Variants in CSMD1 observed in about 807,000 individuals in gnomAD.
The protein encoded by CSMD1 is CUB and sushi domain-containing protein 1.
A neutral mutation model predicts 417.5 loss-of-function variants in CSMD1; 213 were observed. The observed-to-expected ratio is 0.51, with a 90% CI of 0.46 to 0.57. The LOEUF (loss-of-function observed/expected upper bound fraction) is 0.57, where lower values mean the gene tolerates loss of function less well. Ranked by LOEUF, CSMD1 falls within the 20% of genes least tolerant of loss-of-function variation. CSMD1 has a pLI of 0.00. For synonymous variants in CSMD1, 2,862 were observed against 1,736.8 expected, an observed-to-expected ratio of 1.65 and a Z score of -16.11; for missense variants, 6,923 against 4,529.7, an observed-to-expected ratio of 1.53 and a Z score of -15.17.
At position 3,936,410 on chromosome 8, in the gene CSMD1, G is replaced by T. The variant is rs532199090; in HGVS notation, c.818+61493C>A. Among the ~76,000 whole-genome samples the T allele has an allele frequency of 2.6e-4, 39 of 152,256 alleles. No individual in the cohort carries two copies. In the East Asian group the frequency reaches 6.4e-3, roughly 25 times the overall value. ...AAAGAAGTCAATGACTAGCTTTAAA[G>T]CTTCAGAAGACAGGCTGACTCTCTT... On this transcript the variant is annotated intron_variant, in intron 5 of 69. Coordinates refer to ENST00000635120, the MANE Select transcript of CSMD1 (RefSeq NM_033225.6).
chr8:3,108,896 T>C, intron 43 of CSMD1, 148 bp from the exon 44 acceptor site: 2 of 798,332 alleles, frequency 2.5e-6, no homozygotes, highest in Non-Finnish European at 1.9e-6. Flanking sequence ...ATCAAGATGT[T>C]GAATGTCCAC....
chr8:4,007,684 T>A (rs1473730077), intron 4 of CSMD1, among the ~76,000 whole-genome samples: 2 of 152,122 alleles, frequency 1.3e-5, no homozygotes, highest in Non-Finnish European at 2.9e-5. Flanking sequence ...TCCTCTTTTT[T>A]TTTTTCATGC....
At chr8:4,289,523 G>C (rs923667046) in intron 3 of CSMD1, among the ~76,000 whole-genome samples, 2 of 152,162 alleles carry the variant, frequency 1.3e-5, no homozygotes, top group African/African-American at 4.8e-5. Flanking sequence ...GTATGAGCAA[G>C]ATGTAACACT....
intron 1 of CSMD1, among the ~76,000 whole-genome samples, chr8:4,662,506 G>A (rs900865857): frequency 3.3e-5 from 5 of 152,156 alleles, no homozygotes; most frequent in Non-Finnish European, 5.9e-5. Flanking sequence ...TTCTGGTGGT[G>A]AAAAGTCCAT....
chr8:4,431,895 G>A (rs1046402326), intron 2 of CSMD1, among the ~76,000 whole-genome samples: 6 of 152,086 alleles, frequency 3.9e-5, no homozygotes, highest in African/African-American at 1.4e-4. Context: ...ATTAAAATAT[G>A]TGAATGATAT....
At chr8:4,106,384 A>G (rs1801569661) in intron 3 of CSMD1, among the ~76,000 whole-genome samples, 1 of 152,226 alleles carries the variant, frequency 6.6e-6, no homozygotes, top group African/African-American at 2.4e-5. Context: ...ACAATGCTGC[A>G]TAATTGATCT....
chr8:4,865,151 A>G (rs1478423687), intron 1 of CSMD1, among the ~76,000 whole-genome samples: 1 of 151,734 alleles, frequency 6.6e-6, no homozygotes, highest in African/African-American at 2.4e-5. Context: ...TACACAACTA[A>G]TCTTATTCTT....
At chr8:3,752,524 T>G (rs1237333367) in intron 6 of CSMD1, among the ~76,000 whole-genome samples, 2 of 151,566 alleles carry the variant, frequency 1.3e-5, no homozygotes, top group African/African-American at 4.9e-5. Flanking sequence ...TGTGGTGGTC[T>G]GCACCTGTAT....
chr8:3,175,138 T>A (rs1006721391), intron 37 of CSMD1, among the ~76,000 whole-genome samples: 1 of 152,160 alleles, frequency 6.6e-6, no homozygotes, highest in Non-Finnish European at 1.5e-5. Context: ...ATATTTATGT[T>A]TAGTTTATAA....
intron 3 of CSMD1, among the ~76,000 whole-genome samples, chr8:4,419,516 T>G (rs1797129917): frequency 6.6e-6 from 1 of 152,140 alleles, no homozygotes; most frequent in African/African-American, 2.4e-5. Context: ...CAAATTAATT[T>G]TCTCTCTTAA....
chr8:3,981,399 C>G (rs1188822375), intron 5 of CSMD1, among the ~76,000 whole-genome samples: 2 of 149,466 alleles, frequency 1.3e-5, no homozygotes, highest in African/African-American at 2.5e-5. Flanking sequence ...GCAGTGTATA[C>G]TGCTTAGGTG....
rs145876001 is a variant in CSMD1 at position 4,003,628 on chromosome 8, G to C, written c.611-5518C>G. 8.9e-4 allele frequency among the ~76,000 whole-genome samples: 135 copies of C among 152,136 alleles called. No individual in the cohort carries two copies. In the East Asian group the frequency reaches 0.021, roughly 24 times the overall value. On this transcript the variant is annotated intron_variant, in intron 4 of 69. Transcript: ENST00000635120. ...AATGCCTTCTAATATACATTAAAAA[G>C]ATAAATTCTGAAAATACATAAATAC...
In CSMD1 at chr8:3,405,894, T is replaced by A. The variant is rs998574940; in HGVS notation, c.2266+133A>T. 6.5e-6 allele frequency: 5 copies of A among 766,482 alleles called. No individual in the cohort carries two copies. In the African/African-American group the frequency reaches 7.0e-5, roughly 11 times the overall value. 47.5% of individuals were successfully genotyped at this position (766,482 alleles called of 1,614,324 possible). On this transcript the variant is annotated intron_variant, in intron 15 of 69. Transcript: ENST00000635120. ...GAACTGGGAGACTGTACACTCCTGT[T>A]GGTTAAGTGACTGTGTGTGGTATTT...
chr8:4,079,984 ATTAT>A (rs1252754895), intron 3 of CSMD1, among the ~76,000 whole-genome samples: 1 of 151,228 alleles, frequency 6.6e-6, no homozygotes, highest in Non-Finnish European at 1.5e-5. Flanking sequence ...GATTAAGAAA[ATTAT>A]GTTCGAATAT....
chr8:3,229,983 AACG>A, intron 27 of CSMD1, 54 bp downstream of exon 27: 1 of 1,258,288 alleles, frequency 7.9e-7, no homozygotes, highest in South Asian at 1.9e-5. Context: ...GAGCGCTTTT[AACG>A]ACAACATGCA....
intron 46 of CSMD1, among the ~76,000 whole-genome samples, chr8:3,100,194 G>T (rs1183860325): frequency 6.6e-6 from 1 of 152,050 alleles, no homozygotes. Context: ...TGGGACTACA[G>T]GCGCACACCA....
rs367677188 is a variant in CSMD1, at chr8:3,615,175, A to G, written c.1097+1535T>C. Among the ~76,000 whole-genome samples the G allele has an allele frequency of 1.1e-4, 16 of 152,232 alleles. No individual in the cohort carries two copies. The East Asian group carries it at 2.7e-3, about 26-fold the overall frequency. ...CTCACTGCATTGCTAATAACTGTTC[A>G]CAACCAACTCTTCCTCTGGAGAACT... On this transcript the variant is annotated intron_variant, in intron 8 of 69. Transcript: ENST00000635120.
At chr8:3,147,245 T>A (rs1818900415) in intron 40 of CSMD1, among the ~76,000 whole-genome samples, 1 of 152,190 alleles carries the variant, frequency 6.6e-6, no homozygotes, top group Non-Finnish European at 1.5e-5. Context: ...ACTTTGGAGT[T>A]TTGATTTGTC....
chr8:3,371,154 C>T (rs2116714185), intron 18 of CSMD1, among the ~76,000 whole-genome samples: 1 of 152,258 alleles, frequency 6.6e-6, no homozygotes. Context: ...ACTGGCTTTT[C>T]CAGATGTCTA....
Sources: gnomAD v4.1 joint callset for allele counts (sites outside exome capture counted in the v4.1 genomes callset) on GRCh38, gnomAD v4.1.1 for gene constraint, MANE v1.5 for transcripts, NCBI Gene and HGNC (gene_info 2026-07-23, HGNC 2026-07-21) for gene names.